KLHL2: variants seen among roughly 807,000 people sequenced by gnomAD.
The protein encoded by KLHL2 is kelch like family member 2.
KLHL2 carries 15 observed loss-of-function variants against 75.8 expected under a neutral mutation model. That is an observed-to-expected ratio of 0.20 (90% CI 0.13 to 0.30). KLHL2 has a LOEUF of 0.30. KLHL2 is among the 10% of genes least tolerant of loss of function. KLHL2 has a pLI of 1.00. For synonymous variants in KLHL2, 214 were observed against 251.9 expected, an observed-to-expected ratio of 0.85 and a Z score of 1.42; for missense variants, 381 against 741.0, an observed-to-expected ratio of 0.51 and a Z score of 5.64.
At chr4:165,278,448 C>T (rs1470774792) in intron 5 of KLHL2, 2 of 1,526,976 alleles carry the variant, frequency 1.3e-6, no homozygotes, top group South Asian at 1.1e-5. Context: ...TGGAAACAAA[C>T]AGCTTCTAAT....
intron 5 of KLHL2, among the ~76,000 whole-genome samples, chr4:165,269,998 C>T (rs1560789131): frequency 2.0e-5 from 3 of 152,162 alleles, no homozygotes; most frequent in Non-Finnish European, 4.4e-5. Flanking sequence ...TCACATATTT[C>T]TTGGAGGCTT....
intron 14 of KLHL2, among the ~76,000 whole-genome samples, chr4:165,320,725 T>A (rs577905494): frequency 1.3e-5 from 2 of 152,234 alleles, no homozygotes; most frequent in South Asian, 4.1e-4. Context: ...AACAATAAAT[T>A]CCTGCTGGAA....
At chr4:165,224,369 G>A (rs909413475) in intron 2 of KLHL2, among the ~76,000 whole-genome samples, 6 of 152,120 alleles carry the variant, frequency 3.9e-5, no homozygotes, top group African/African-American at 1.4e-4. Flanking sequence ...TAATATTTAG[G>A]AGTTGAAAGT....
At chr4:165,278,214 CCT>C in intron 5 of KLHL2, 1 of 1,216,318 alleles carries the variant, frequency 8.2e-7, no homozygotes. Flanking sequence ...GCGGACAAAT[CCT>C]CAGGTTCAAG....
chr4:165,269,155 A>C (rs1455527603), intron 5 of KLHL2, among the ~76,000 whole-genome samples: 1 of 150,178 alleles, frequency 6.7e-6, no homozygotes, highest in Non-Finnish European at 1.5e-5. Context: ...TTTGTTTTCC[A>C]TTTGCTTGGT....
intron 5 of KLHL2, chr4:165,277,977 G>A (rs1270640908): frequency 5.9e-6 from 7 of 1,190,780 alleles, no homozygotes; most frequent in Non-Finnish European, 8.8e-6. Flanking sequence ...CCATGAGTTG[G>A]TAGGTTTTAT....
chr4:165,232,811 A>AT (rs1739010230), intron 3 of KLHL2, among the ~76,000 whole-genome samples: 1 of 147,972 alleles, frequency 6.8e-6, no homozygotes, highest in Non-Finnish European at 1.5e-5. Flanking sequence ...ATGTAGACTC[A>AT]TTTAAGTATT....
chr4:165,292,061 T>C (rs76617624), intron 5 of KLHL2, among the ~76,000 whole-genome samples: 1,775 of 152,238 alleles, frequency 0.012, 41 homozygotes, highest in East Asian at 0.11. Context: ...GCTATAGTTG[T>C]TTTTTATTGT....
intron 3 of KLHL2, among the ~76,000 whole-genome samples, chr4:165,235,964 G>T (rs1389405337): frequency 6.6e-6 from 1 of 152,080 alleles, no homozygotes; most frequent in African/African-American, 2.4e-5. Flanking sequence ...GGACATGTGT[G>T]CTTGGACTGG....
chr4:165,303,334 AT>A (rs1745473550), intron 8 of KLHL2, among the ~76,000 whole-genome samples: 1 of 152,156 alleles, frequency 6.6e-6, no homozygotes, highest in Non-Finnish European at 1.5e-5. Context: ...AATTTAAAAA[AT>A]GTTCCCTTCT....
chr4:165,278,002 G>A (rs761717936), intron 5 of KLHL2: 36 of 1,427,436 alleles, frequency 2.5e-5, no homozygotes, highest in Non-Finnish European at 3.3e-5. Flanking sequence ...TACCTGAGAT[G>A]TACCTTGCTC....
At chr4:165,275,946 C>T (rs1743050913) in intron 5 of KLHL2, among the ~76,000 whole-genome samples, 1 of 150,362 alleles carries the variant, frequency 6.7e-6, no homozygotes. Context: ...CATGGTAAAA[C>T]CAGGTCTCTA....
At chr4:165,288,891 TG>T (rs1333867162) in intron 5 of KLHL2, among the ~76,000 whole-genome samples, 2 of 151,730 alleles carry the variant, frequency 1.3e-5, no homozygotes, top group Admixed American at 6.6e-5. Context: ...AGGGAAGGAA[TG>T]TTCATGTTAC....
chr4:165,261,000 A>G (rs1271454309), intron 4 of KLHL2, among the ~76,000 whole-genome samples: 1 of 152,218 alleles, frequency 6.6e-6, no homozygotes, highest in African/African-American at 2.4e-5. Context: ...TGACCAAACA[A>G]TTTAAGTATT....
At chr4:165,219,388 C>T (rs1300323157) in intron 1 of KLHL2, among the ~76,000 whole-genome samples, 3 of 152,250 alleles carry the variant, frequency 2.0e-5, no homozygotes, top group Non-Finnish European at 4.4e-5. Context: ...CTACTCAGCA[C>T]AGGGCTGCCA....
intron 6 of KLHL2, among the ~76,000 whole-genome samples, chr4:165,297,164 A>G (rs1002585341): frequency 1.3e-5 from 2 of 152,176 alleles, no homozygotes; most frequent in Non-Finnish European, 2.9e-5. Context: ...TAGCTTTCTC[A>G]CAATTATGTA....
chr4:165,301,293 T>C (rs1745331603), intron 8 of KLHL2, among the ~76,000 whole-genome samples: 1 of 152,250 alleles, frequency 6.6e-6, no homozygotes, highest in Admixed American at 6.5e-5. Flanking sequence ...AATGCTTTTC[T>C]CAAAATCTTC....
intron 1 of KLHL2, among the ~76,000 whole-genome samples, chr4:165,214,644 G>A (rs1476490200): frequency 3.9e-5 from 6 of 152,062 alleles, no homozygotes; most frequent in East Asian, 1.9e-4. Context: ...ACATACAGCC[G>A]CACAACTGAG....
chr4:165,247,590 A>G (rs780646597), intron 4 of KLHL2, among the ~76,000 whole-genome samples: 14 of 151,742 alleles, frequency 9.2e-5, no homozygotes, highest in Non-Finnish European at 2.1e-4. Context: ...GAAGGGGTTT[A>G]CCTTAGATGG....
Sources: allele counts gnomAD v4.1 joint callset (sites outside exome capture counted in the v4.1 genomes callset), GRCh38; gene constraint gnomAD v4.1.1; transcripts MANE v1.5; gene names NCBI Gene and HGNC (gene_info 2026-07-23, HGNC 2026-07-21).